SEPTIN9: variants seen among roughly 807,000 people sequenced by gnomAD.
SEPTIN9 encodes the protein septin-9.
SEPTIN9 carries 13 observed loss-of-function variants against 56.6 expected under a neutral mutation model. That is an observed-to-expected ratio of 0.23 (90% CI 0.15 to 0.37). The LOEUF (loss-of-function observed/expected upper bound fraction) is 0.37, where lower values mean the gene tolerates loss of function less well. Ranked by LOEUF, SEPTIN9 falls within the 10% of genes least tolerant of loss-of-function variation. The pLI, the probability that SEPTIN9 is intolerant of heterozygous loss-of-function variation, is 1.00. For synonymous variants in SEPTIN9, 332 were observed against 334.1 expected, an observed-to-expected ratio of 0.99 and a Z score of 0.07; for missense variants, 650 against 823.1, an observed-to-expected ratio of 0.79 and a Z score of 2.57.
At chr17:77,283,543 T>A (rs647885) in intron 1 of SEPTIN9, among the ~76,000 whole-genome samples, 5 of 151,888 alleles carry the variant, frequency 3.3e-5, no homozygotes. Context: ...ACCATGAAAT[T>A]AAGGAAAGCA....
At chr17:77,483,890 C>G (rs2039559419) in intron 4 of SEPTIN9, 1 of 152,404 alleles carries the variant, frequency 6.6e-6, no homozygotes, top group Non-Finnish European at 1.5e-5. Flanking sequence ...GGCAGCTCTG[C>G]TCTCCTCCCT....
At chr17:77,458,022 A>G (rs747836114) in intron 3 of SEPTIN9, among the ~76,000 whole-genome samples, 14 of 152,160 alleles carry the variant, frequency 9.2e-5, no homozygotes, top group Non-Finnish European at 1.8e-4. Flanking sequence ...CTCACCCTGA[A>G]GGGGGGCTGG....
chr17:77,435,370 T>C lies in SEPTIN9; in HGVS notation c.721+32667T>C, dbSNP rs2037299818. 6.6e-6 allele frequency among the ~76,000 whole-genome samples: 1 copy of C among 152,102 alleles called. No individual in the cohort carries two copies. ...TGAGCAGTGTCTCCCATGCCCTGAT[T>C]CTGTGGCTTCTTGAGGTGGCTCACC... On this transcript the variant is annotated intron_variant, in intron 3 of 11. Coordinates refer to ENST00000427177, the MANE Select transcript of SEPTIN9 (RefSeq NM_001113491.2). The surrounding 1 kb of genome is among the most constrained non-coding windows in gnomAD (Gnocchi z 4.5).
In SEPTIN9 at chr17:77,412,760, C is replaced by T. The variant is rs58082356; in HGVS notation, c.721+10057C>T. On this transcript the variant is annotated intron_variant, in intron 3 of 11. Coordinates refer to ENST00000427177, the MANE Select transcript of SEPTIN9 (RefSeq NM_001113491.2). ...AAGAGTTATTTGTACATCTTTATCA[C>T]AGCAGGTACGAGTATCTTGTCCCCA... 0.012 allele frequency among the ~76,000 whole-genome samples: 1,763 copies of T among 152,196 alleles called. 78 individuals carry two copies. The East Asian group carries it at 0.15, about 13-fold the overall frequency.
At chr17:77,493,765 C>CTTTT (rs35829686) in intron 10 of SEPTIN9, among the ~76,000 whole-genome samples, 37 of 111,446 alleles carry the variant, frequency 3.3e-4, no homozygotes, top group Non-Finnish European at 4.4e-4. Flanking sequence ...CCTCCTCTTC[C>CTTTT]TTTTTTTTTT....
chr17:77,316,442 T>C (rs939614748), intron 2 of SEPTIN9, among the ~76,000 whole-genome samples: 4 of 152,238 alleles, frequency 2.6e-5, no homozygotes, highest in Admixed American at 1.3e-4. Flanking sequence ...GGCCAAACCA[T>C]GCTGGGTAAA....
intron 3 of SEPTIN9, among the ~76,000 whole-genome samples, chr17:77,478,509 A>C (rs1380800106): frequency 1.3e-5 from 2 of 152,188 alleles, no homozygotes; most frequent in African/African-American, 4.8e-5. Flanking sequence ...TGAATGGAGA[A>C]ATCAAAGGCG....
Position 77,487,304 on chromosome 17 carries a change from G to C in SEPTIN9, c.914-120G>C. ...TTGGCAGGGATATTGCCGGGAGGTAGCCCAGGCACTGCTGAATCTCAGACT... is the reference window on the plus strand; with the variant it reads ...TTGGCAGGGATATTGCCGGGAGGTACCCCAGGCACTGCTGAATCTCAGACT... On this transcript the variant is annotated intron_variant, in intron 4 of 11. Coordinates refer to ENST00000427177, the MANE Select transcript of SEPTIN9 (RefSeq NM_001113491.2). The surrounding 1 kb of genome is among the most constrained non-coding windows in gnomAD (Gnocchi z 4.3). 1 of 1,108,646 alleles carries C rather than the reference G, an allele frequency of 9.0e-7. No individual in the cohort carries two copies. Among genetic ancestry groups the C allele is most frequent in the Non-Finnish European group, 1.3e-6 (1 of 751,332 alleles). 68.7% of individuals were successfully genotyped at this position (1,108,646 alleles called of 1,614,324 possible). A position where few individuals can be genotyped will look rare whatever the true frequency, so the allele number is the denominator to read the frequency against.
chr17:77,420,661 T>C (rs1220965737), intron 3 of SEPTIN9, among the ~76,000 whole-genome samples: 1 of 152,140 alleles, frequency 6.6e-6, no homozygotes, highest in Non-Finnish European at 1.5e-5. Context: ...CCTGCTCCTC[T>C]GTCCCCCATC....
intron 3 of SEPTIN9, among the ~76,000 whole-genome samples, chr17:77,481,493 G>A (rs1018294667): frequency 5.3e-5 from 8 of 151,156 alleles, no homozygotes; most frequent in Admixed American, 6.6e-5. Flanking sequence ...CTGCTGGCTC[G>A]TTCTATGGGA....
At chr17:77,365,318 CTCTT>C (rs1252315085) in intron 2 of SEPTIN9, among the ~76,000 whole-genome samples, 1 of 152,086 alleles carries the variant, frequency 6.6e-6, no homozygotes, top group Non-Finnish European at 1.5e-5. Flanking sequence ...CTCTTTCTCT[CTCTT>C]TCTCTCTTTC....
chr17:77,466,555 C>T lies in SEPTIN9; in HGVS notation c.722-15589C>T, dbSNP rs1272347770. The stretch of plus-strand genomic sequence containing the variant: ...TCTTCCAGGAGGTCACCGTTGGAGT[C>T]CCACAGTAGGTCAACCCCAGGCCCT... On this transcript the variant is annotated intron_variant, in intron 3 of 11. Transcript: ENST00000427177. 6.1e-6 allele frequency: 6 copies of T among 985,556 alleles called. No individual in the cohort carries two copies. In the South Asian group the frequency reaches 2.3e-4, roughly 39 times the overall value. 61.1% of individuals were successfully genotyped at this position (985,556 alleles called of 1,614,324 possible).
intron 11 of SEPTIN9, 121 bp downstream of exon 11, chr17:77,497,487 C>A (rs767078073): frequency 2.4e-4 from 201 of 835,300 alleles, no homozygotes; most frequent in Non-Finnish European, 3.6e-4. Context: ...CTGCCACCTG[C>A]CTGCCCTGCC....
chr17:77,310,362 A>G lies in SEPTIN9; in HGVS notation c.76+3165A>G, dbSNP rs1336441903. On this transcript the variant is annotated intron_variant, in intron 2 of 11. Transcript: ENST00000427177. The surrounding 1 kb of genome is among the most constrained non-coding windows in gnomAD (Gnocchi z 4.7). The stretch of plus-strand genomic sequence containing the variant: ...TCTCCTCTTGAATGCCGTCATCAGC[A>G]TCACATCCTTGGTGCCTCACTGGAG... Among the ~76,000 whole-genome samples the G allele has an allele frequency of 2.0e-5, 3 of 152,196 alleles. No individual in the cohort carries two copies. Among genetic ancestry groups the G allele is most frequent in the Admixed American group, 2.0e-4 (3 of 15,284 alleles).
intron 2 of SEPTIN9, among the ~76,000 whole-genome samples, chr17:77,382,758 G>A (rs2035189548): frequency 6.6e-6 from 1 of 152,216 alleles, no homozygotes; most frequent in Non-Finnish European, 1.5e-5. Context: ...TTGGGGTCGG[G>A]TGGGGGAGGA....
rs1480571899 is a variant in SEPTIN9 at position 77,476,625 on chromosome 17, A to G, written c.722-5519A>G. Among the ~76,000 whole-genome samples the G allele has an allele frequency of 6.6e-6, 1 of 152,200 alleles. No individual in the cohort carries two copies. The highest frequency in any genetic ancestry group is 1.9e-4 in the East Asian group (1 of 5,194). Reference sequence around the variant, plus strand: ...AGCAGATTTGGGGGCAGTCCCCATCACGGGACCGGTGACCTACTGCCACCA... The same window carrying G: ...AGCAGATTTGGGGGCAGTCCCCATCGCGGGACCGGTGACCTACTGCCACCA... On this transcript the variant is annotated intron_variant, in intron 3 of 11. Transcript: ENST00000427177. This position sits in a 1 kb window ranked among gnomAD's most constrained non-coding sequence, Gnocchi z 6.0.
intron 2 of SEPTIN9, among the ~76,000 whole-genome samples, chr17:77,356,230 G>A (rs997869196): frequency 5.3e-5 from 8 of 152,120 alleles, no homozygotes; most frequent in Admixed American, 2.0e-4. Context: ...TGCCCAGCCC[G>A]CACCGCGAGG....
intron 2 of SEPTIN9, among the ~76,000 whole-genome samples, chr17:77,342,667 T>C (rs911255956): frequency 2.0e-5 from 3 of 152,152 alleles, no homozygotes; most frequent in African/African-American, 7.2e-5. Context: ...GACATTGTGA[T>C]ATAAGAAAGA....
In SEPTIN9 at chr17:77,399,396, G is replaced by A. The variant is rs140601789; in HGVS notation, c.77-2663G>A. Among the ~76,000 whole-genome samples the A allele has an allele frequency of 2.8e-4, 43 of 152,272 alleles. 1 individual carries two copies. The East Asian group carries it at 6.6e-3, about 23-fold the overall frequency. ...AGGATGCTGAGGACACCTGGAAGCC[G>A]GCCCCTGCTCTACAGCACCCATAGG... On this transcript the variant is annotated intron_variant, in intron 2 of 11. Transcript: ENST00000427177.
Sources: allele counts gnomAD v4.1 joint callset (sites outside exome capture counted in the v4.1 genomes callset), GRCh38; gene constraint gnomAD v4.1.1; non-coding constraint Gnocchi (gnomAD v3.1); transcripts MANE v1.5; gene names NCBI Gene and HGNC (gene_info 2026-07-23, HGNC 2026-07-21).